Variants in CBLB observed in about 807,000 individuals in gnomAD.
CBLB encodes the protein E3 ubiquitin-protein ligase CBL-B.
CBLB carries 31 observed loss-of-function variants against 104.9 expected under a neutral mutation model. The observed-to-expected ratio is 0.30, with a 90% CI of 0.22 to 0.40. CBLB has a LOEUF of 0.40. Ranked by LOEUF, CBLB falls within the 10% of genes least tolerant of loss-of-function variation. The probability of loss-of-function intolerance (pLI) is 1.00; values close to 1 mark genes in which losing one functional copy is unlikely to be tolerated. For missense variants in CBLB, 1,062 were observed against 1,214.6 expected (o/e 0.87, Z 1.87); for synonymous variants, 440 against 422.6 (o/e 1.04, Z -0.51).
chr3:105,810,770 C>T (rs1220868370), intron 3 of CBLB, among the ~76,000 whole-genome samples: 1 of 152,020 alleles, frequency 6.6e-6, no homozygotes, highest in Non-Finnish European at 1.5e-5. Context: ...GACTCCAACG[C>T]TGAATCAAAC....
chr3:105,798,229 T>TAAA (rs1278192987), intron 3 of CBLB, among the ~76,000 whole-genome samples: 1 of 152,218 alleles, frequency 6.6e-6, no homozygotes, highest in Non-Finnish European at 1.5e-5. Flanking sequence ...AATGGAGTTT[T>TAAA]AAAAAACAGG....
At chr3:105,742,000 C>A (rs1477590907) in intron 6 of CBLB, among the ~76,000 whole-genome samples, 1 of 152,094 alleles carries the variant, frequency 6.6e-6, no homozygotes, top group Admixed American at 6.5e-5. Context: ...AACTAATATC[C>A]AACAAAAGGA....
chr3:105,660,005 A>C (rs1271878486), intron 18 of CBLB, among the ~76,000 whole-genome samples: 1 of 152,160 alleles, frequency 6.6e-6, no homozygotes, highest in Non-Finnish European at 1.5e-5. Flanking sequence ...CCTTGGTGAT[A>C]ATACAGCCTC....
intron 4 of CBLB, among the ~76,000 whole-genome samples, chr3:105,753,409 G>A (rs1289093779): frequency 6.6e-6 from 1 of 151,756 alleles, no homozygotes; most frequent in Non-Finnish European, 1.5e-5. Context: ...AGAATATTAG[G>A]AAGCTGTTGA....
At chr3:105,721,527 T>C (rs1044208794) in intron 9 of CBLB, among the ~76,000 whole-genome samples, 2 of 152,146 alleles carry the variant, frequency 1.3e-5, no homozygotes, top group Non-Finnish European at 2.9e-5. Context: ...GAAAAATCAA[T>C]TGCAACATAT....
intron 13 of CBLB, among the ~76,000 whole-genome samples, chr3:105,687,838 C>A (rs1011299806): frequency 2.0e-5 from 3 of 148,864 alleles, no homozygotes; most frequent in Non-Finnish European, 3.0e-5. Flanking sequence ...TGGTTTCTAT[C>A]AAAAAAAATA....
At chr3:105,855,544 T>C (rs2091491443) in intron 2 of CBLB, among the ~76,000 whole-genome samples, 1 of 152,208 alleles carries the variant, frequency 6.6e-6, no homozygotes, top group Non-Finnish European at 1.5e-5. Context: ...TTTAAATCTG[T>C]AATAGAACTT....
At chr3:105,723,584 CAGAT>C (rs72020143) in intron 9 of CBLB, among the ~76,000 whole-genome samples, 2,188 of 152,118 alleles carry the variant, frequency 0.014, 45 homozygotes, top group African/African-American at 0.05. Flanking sequence ...TAGGTAAACT[CAGAT>C]AATTAACATT....
At chr3:105,705,974 A>G (rs1453286696) in intron 10 of CBLB, among the ~76,000 whole-genome samples, 1 of 152,038 alleles carries the variant, frequency 6.6e-6, no homozygotes, top group East Asian at 1.9e-4. Flanking sequence ...CCTCTTTACT[A>G]ATTTTTTATT....
At chr3:105,696,849 A>G (rs928427427) in intron 12 of CBLB, among the ~76,000 whole-genome samples, 1 of 151,892 alleles carries the variant, frequency 6.6e-6, no homozygotes, top group Admixed American at 6.6e-5. Flanking sequence ...TTTTTATGCT[A>G]TAGGCTATCC....
At position 105,815,410 on chromosome 3, in the gene CBLB, C is replaced by T. The variant is rs189714688; in HGVS notation, c.419+38004G>A. On this transcript the variant is annotated intron_variant, in intron 3 of 18. Coordinates refer to ENST00000394030, the MANE Select transcript of CBLB (RefSeq NM_170662.5). ...TTATATTACAATGGAATATCAATGA[C>T]AATTTCTATCAGTTCCAATGAAACT... Among the ~76,000 whole-genome samples, 253 of 152,274 alleles carry T rather than the reference C, an allele frequency of 1.7e-3. 1 individual carries two copies. Among genetic ancestry groups the T allele is most frequent in the African/African-American group, 4.4e-3 (185 of 41,574 alleles).
Position 105,658,526 on chromosome 3 carries a change from T to C in CBLB, c.*444A>G, listed in dbSNP as rs867386188. ...TCCATATGAATAAATGATTTAGCTG[T>C]TGATGTGGACAGCAAGAGAGTTGGT... On this transcript the variant is annotated 3_prime_UTR_variant, in exon 19 of 19. Coordinates refer to ENST00000394030, the MANE Select transcript of CBLB (RefSeq NM_170662.5). 33 of 248,292 alleles carry C rather than the reference T, an allele frequency of 1.3e-4. No individual in the cohort carries two copies. Among genetic ancestry groups the C allele is most frequent in the African/African-American group, 6.8e-4 (31 of 45,490 alleles). 15.4% of individuals were successfully genotyped at this position (248,292 alleles called of 1,614,324 possible). A position where few individuals can be genotyped will look rare whatever the true frequency, so the allele number is the denominator to read the frequency against.
chr3:105,655,828 A>ATTTC lies in CBLB; in HGVS notation c.*3141_*3142insGAAA. 4.6e-6 allele frequency: 1 copy of ATTTC among 217,322 alleles called. No individual in the cohort carries two copies. Among genetic ancestry groups the ATTTC allele is most frequent in the Non-Finnish European group, 9.3e-6 (1 of 107,984 alleles). The allele number at this position is 217,322 out of a possible 1,614,324, so 13.5% of individuals were successfully genotyped here. On this transcript the variant is annotated 3_prime_UTR_variant, in exon 19 of 19. Coordinates refer to ENST00000394030, the MANE Select transcript of CBLB (RefSeq NM_170662.5). ...GTGCAAATCAAAGCTTCAAGTTGAA[A>ATTTC]ATCTGAGAGAAAAAATAACGTTCGA...
intron 3 of CBLB, among the ~76,000 whole-genome samples, chr3:105,810,367 T>TTG (rs1216517718): frequency 6.6e-6 from 1 of 152,152 alleles, no homozygotes; most frequent in Non-Finnish European, 1.5e-5. Flanking sequence ...CCTGGATTTT[T>TTG]TGTGTGTGTG....
At chr3:105,819,058 A>G (rs1482012512) in intron 3 of CBLB, among the ~76,000 whole-genome samples, 1 of 152,246 alleles carries the variant, frequency 6.6e-6, no homozygotes, top group Non-Finnish European at 1.5e-5. Context: ...CTTCAAGCAT[A>G]CTTTGCAAAA....
intron 2 of CBLB, among the ~76,000 whole-genome samples, chr3:105,866,770 T>C (rs1428374356): frequency 6.6e-6 from 1 of 152,212 alleles, no homozygotes; most frequent in East Asian, 1.9e-4. Context: ...AGGTTTCTGA[T>C]ACTCTCAGCC....
At chr3:105,717,069 A>C (rs2072002931) in intron 10 of CBLB, among the ~76,000 whole-genome samples, 1 of 152,144 alleles carries the variant, frequency 6.6e-6, no homozygotes, top group African/African-American at 2.4e-5. Flanking sequence ...ACTACTGAAA[A>C]GAGGCTCAAG....
intron 11 of CBLB, among the ~76,000 whole-genome samples, chr3:105,703,360 A>G (rs2069551581): frequency 6.6e-6 from 1 of 152,230 alleles, no homozygotes; most frequent in African/African-American, 2.4e-5. Context: ...GCATGTTACC[A>G]AATAAAATTA....
upstream of CBLB, chr3:105,869,405 G>A (rs1218926871): frequency 1.6e-5 from 21 of 1,338,380 alleles, no homozygotes; most frequent in Non-Finnish European, 2.1e-5. Flanking sequence ...CTGAAAGGCG[G>A]GACTTCCTGC....
Sources: gnomAD v4.1 joint callset for allele counts (sites outside exome capture counted in the v4.1 genomes callset) on GRCh38, gnomAD v4.1.1 for gene constraint, MANE v1.5 for transcripts, NCBI Gene and HGNC (gene_info 2026-07-23, HGNC 2026-07-21) for gene names.